DCAF15: variants seen among roughly 807,000 people sequenced by gnomAD.
DCAF15 encodes DDB1 and CUL4 associated factor 15.
In DCAF15, 24 loss-of-function variants were observed where a neutral mutation model predicts 68.0. That is an observed-to-expected ratio of 0.35 (90% CI 0.26 to 0.50). The LOEUF is 0.50. Among genes scored for constraint, DCAF15 ranks in the 20% least tolerant of loss-of-function variants. The probability of loss-of-function intolerance (pLI) is 0.98; values close to 1 mark genes in which losing one functional copy is unlikely to be tolerated. For missense variants in DCAF15, 627 were observed against 830.6 expected, an observed-to-expected ratio of 0.75 and a Z score of 3.01; for synonymous variants, 376 against 341.6, an observed-to-expected ratio of 1.10 and a Z score of -1.11.
intron 6 of DCAF15, 152 bp from the exon 7 acceptor site, chr19:13,958,893 T>A: frequency 2.2e-6 from 2 of 908,432 alleles, no homozygotes; most frequent in South Asian, 1.7e-5. Context: ...CGCAGAAAGG[T>A]CTTTCCCCTT....
At chr19:13,953,879 G>A (rs532719217) in intron 1 of DCAF15, among the ~76,000 whole-genome samples, 5 of 152,300 alleles carry the variant, frequency 3.3e-5, no homozygotes, top group South Asian at 2.1e-4. Context: ...GAGCTGCCCC[G>A]GGGAGGAGGA....
rs1011170212 is a variant in DCAF15 at position 13,960,454 on chromosome 19, T to C, written c.1632-11T>C. On this transcript the variant is annotated splice_polypyrimidine_tract_variant and intron_variant, in intron 11 of 12. Coordinates refer to ENST00000254337, the MANE Select transcript of DCAF15 (RefSeq NM_138353.4). ...AAGGCGACGAGAGCCACTCACCCCCTGGCCCCGCAGCGGCAGTGTCTGGAG... is the reference window on the plus strand; with the variant it reads ...AAGGCGACGAGAGCCACTCACCCCCCGGCCCCGCAGCGGCAGTGTCTGGAG... 13 of 1,611,772 alleles carry C rather than the reference T, an allele frequency of 8.1e-6. No homozygotes were observed. Among genetic ancestry groups the C allele is most frequent in the Non-Finnish European group, 8.5e-7 (1 of 1,179,110 alleles).
intron 6 of DCAF15, 138 bp from the exon 7 acceptor site, chr19:13,958,907 G>A: frequency 1.9e-6 from 2 of 1,027,034 alleles, no homozygotes; most frequent in Admixed American, 2.3e-5. Context: ...TCCCCTTTTG[G>A]GTGTTTCAAA....
Position 13,952,573 on chromosome 19 carries a change from G to A in DCAF15, c.61G>A (p.Gly21Arg). The change falls in exon 1 of 13, where the codon GGG becomes AGG. Residue 21 changes from glycine (G) to arginine (R), a missense_variant. Coordinates refer to ENST00000254337, the MANE Select transcript of DCAF15 (RefSeq NM_138353.4). ...GGCTGGGAGCGGCGGCGGCGGCCCC[G>A]GGGGAGCCGGAGGGAAGCGGGCAGC... is the stretch of plus-strand genomic sequence containing the variant. ...SGAGSGGGGP[G>R]GAGGKRAAGR... 1.6e-6 allele frequency: 2 copies of A among 1,264,468 alleles called. No individual in the cohort carries two copies. The highest frequency in any genetic ancestry group is 6.8e-5 in the South Asian group (2 of 29,598). The allele number at this position is 1,264,468 out of a possible 1,614,324, so 78.3% of individuals were successfully genotyped here.
chr19:13,956,267 G>C lies in DCAF15; in HGVS notation c.613+5G>C. On this transcript the variant is annotated splice_donor_5th_base_variant and intron_variant, in intron 5 of 12. Coordinates refer to ENST00000254337, the MANE Select transcript of DCAF15 (RefSeq NM_138353.4). ...ATGCCAGCCGAGCCCACCCAGGTGA[G>C]GGGGCCGAGGGGGCGAGGGCCTCTT... is the stretch of plus-strand genomic sequence containing the variant. 1 of 1,611,938 alleles carries C rather than the reference G, an allele frequency of 6.2e-7. No homozygotes were observed.
rs1189778673 is a variant in DCAF15 at position 13,956,237 on chromosome 19, C to T, written c.588C>T (p.Cys196=). 2.5e-6 allele frequency: 4 copies of T among 1,612,204 alleles called. No homozygotes were observed. The highest frequency in any genetic ancestry group is 2.7e-5 in the African/African-American group (2 of 74,922). Residue 196 remains cysteine (C), a synonymous_variant, in exon 5 of 13, where the codon TGC becomes TGT. Coordinates refer to ENST00000254337, the MANE Select transcript of DCAF15 (RefSeq NM_138353.4). ...CACCGCCAGGCCGCTGTGCTGCTTG[C>T]CAGGATGCCAGCCGAGCCCACCCAG... ...AVPPPGRCAA[C]QDASRAHPGD... is the part of the protein sequence containing the mutation.
chr19:13,960,340 T>C lies in DCAF15; in HGVS notation c.1580T>C (p.Ile527Thr), dbSNP rs773276842. 1 of 1,614,020 alleles carries C rather than the reference T, an allele frequency of 6.2e-7. No homozygotes were observed. Among genetic ancestry groups the C allele is most frequent in the South Asian group, 1.1e-5 (1 of 91,082 alleles). Residue 527 changes from isoleucine to threonine, a missense_variant, in exon 11 of 13, where the codon ATC becomes ACC. By Grantham distance (89) the Ile-to-Thr change is moderately conservative. Around this residue, in one of 3 missense-constraint regions of DCAF15, gnomAD observed 118 missense variants for 211.8 expected, o/e 0.56. Transcript: ENST00000254337. ...GTGGCATGGGACCTCAACACAGGGA[T>C]CTTCGAGACAGTCAGTGTAGGCGAC... ...LKVAWDLNTG[I>T]FETVSVGDLT...
At position 13,961,264 on chromosome 19, in the gene DCAF15, A is replaced by T. The variant is rs562630258; in HGVS notation, c.*269A>T. On this transcript the variant is annotated 3_prime_UTR_variant, in exon 13 of 13. Coordinates refer to ENST00000254337, the MANE Select transcript of DCAF15 (RefSeq NM_138353.4). ...GCCCCGCCTTCACCCCGAGCTGGGC[A>T]TGGGCCTGGCCCCTCGTGCATTTGC... is the stretch of plus-strand genomic sequence containing the variant. 3 of 554,584 alleles carry T rather than the reference A, an allele frequency of 5.4e-6. No individual in the cohort carries two copies. The highest frequency in any genetic ancestry group is 9.7e-6 in the Non-Finnish European group (3 of 308,024). 34.4% of individuals were successfully genotyped at this position (554,584 alleles called of 1,614,324 possible).
rs751764488 is a variant in DCAF15 at position 13,959,981 on chromosome 19, C to T, written c.1441-3C>T. The T allele has an allele frequency of 6.2e-7, 1 of 1,610,134 alleles. No homozygotes were observed. Among genetic ancestry groups the T allele is most frequent in the Admixed American group, 1.7e-5 (1 of 59,878 alleles). On this transcript the variant is annotated splice_region_variant and splice_polypyrimidine_tract_variant and intron_variant, in intron 9 of 12. Coordinates refer to ENST00000254337, the MANE Select transcript of DCAF15 (RefSeq NM_138353.4). The stretch of plus-strand genomic sequence containing the variant: ...AGTTGGCATCATCCACCCCCACCCC[C>T]AGGTCTGCCCAGAAACCAACCAGGT...
At position 13,952,569 on chromosome 19, in the gene DCAF15, C is replaced by T. The variant is rs1973100151; in HGVS notation, c.57C>T (p.Gly19=). The T allele has an allele frequency of 4.7e-6, 6 of 1,264,694 alleles. No homozygotes were observed. The South Asian group carries it at 1.0e-4, about 21-fold the overall frequency. 78.3% of individuals were successfully genotyped at this position (1,264,694 alleles called of 1,614,324 possible). The change falls in exon 1 of 13, where the codon GGC becomes GGT. Residue 19 remains glycine, a synonymous_variant. Transcript: ENST00000254337. ...GCGGGGCTGGGAGCGGCGGCGGCGGCCCCGGGGGAGCCGGAGGGAAGCGGG... is the reference window on the plus strand; with the variant it reads ...GCGGGGCTGGGAGCGGCGGCGGCGGTCCCGGGGGAGCCGGAGGGAAGCGGG... ...RNSGAGSGGG[G]PGGAGGKRAA... is the part of the protein sequence containing the mutation.
intron 6 of DCAF15, among the ~76,000 whole-genome samples, chr19:13,958,737 A>G (rs373925163): frequency 6.6e-6 from 1 of 151,438 alleles, no homozygotes; most frequent in South Asian, 2.1e-4. Flanking sequence ...TGTAGTGAAC[A>G]CTCTACGCTG....
intron 1 of DCAF15, chr19:13,953,113 C>G (rs1049445201): frequency 6.4e-7 from 1 of 1,550,392 alleles, no homozygotes. Flanking sequence ...CTGGGAGTTC[C>G]AGTACCTGGG....
Position 13,961,324 on chromosome 19 carries a change from G to T in DCAF15, c.*329G>T. The T allele has an allele frequency of 2.5e-6, 1 of 401,102 alleles. No individual in the cohort carries two copies. The highest frequency in any genetic ancestry group is 4.7e-6 in the Non-Finnish European group (1 of 213,832). The allele number at this position is 401,102 out of a possible 1,614,324, so 24.8% of individuals were successfully genotyped here. A position where few individuals can be genotyped will look rare whatever the true frequency, so the allele number is the denominator to read the frequency against. On this transcript the variant is annotated 3_prime_UTR_variant, in exon 13 of 13. Transcript: ENST00000254337. ...GGCTACAGCTGTGGACGTTGCCCTC[G>T]GGGAGGTCGAATGGACCCCATTCCC... is the stretch of plus-strand genomic sequence containing the variant.
In DCAF15 at chr19:13,956,241, G is replaced by C; in HGVS notation, c.592G>C (p.Asp198His). 2 of 1,612,370 alleles carry C rather than the reference G, an allele frequency of 1.2e-6. No homozygotes were observed. Among genetic ancestry groups the C allele is most frequent in the Non-Finnish European group, 1.7e-6 (2 of 1,179,802 alleles). The change falls in exon 5 of 13, where the codon GAT becomes CAT. Residue 198 changes from aspartate to histidine, a missense_variant. Around this residue, in one of 3 missense-constraint regions of DCAF15, gnomAD observed 273 missense variants for 393.7 expected, o/e 0.69. Coordinates refer to ENST00000254337, the MANE Select transcript of DCAF15 (RefSeq NM_138353.4). ...GCCAGGCCGCTGTGCTGCTTGCCAG[G>C]ATGCCAGCCGAGCCCACCCAGGTGA... ...PPPGRCAACQDASRAHPGDPN... is the reference protein window; with the variant it reads ...PPPGRCAACQHASRAHPGDPN...
intron 1 of DCAF15, chr19:13,953,081 C>T (rs1166233540): frequency 6.4e-7 from 1 of 1,550,660 alleles, no homozygotes; most frequent in East Asian, 2.5e-5. Context: ...CTCTCCCTGC[C>T]CAAGCCCCGA....
At chr19:13,952,783 C>T in intron 1 of DCAF15, 139 bp downstream of exon 1, 1 of 341,796 alleles carries the variant, frequency 2.9e-6, no homozygotes, top group Non-Finnish European at 3.9e-6. Flanking sequence ...AGGGCCTGGG[C>T]GGGGCCCGGG....
In DCAF15 at chr19:13,960,395, A is replaced by C. The variant is rs374484971; in HGVS notation, c.1631+4A>C. 1 of 1,613,604 alleles carries C rather than the reference A, an allele frequency of 6.2e-7. No homozygotes were observed. Among genetic ancestry groups the C allele is most frequent in the Non-Finnish European group, 8.5e-7 (1 of 1,179,888 alleles). ...CTGAGGTCAAAGGGCAGACCAGGTG[A>C]GGCAGGGCTGGGGGGCAGGGTCAGG... On this transcript the variant is annotated splice_donor_region_variant and intron_variant, in intron 11 of 12. Transcript: ENST00000254337.
chr19:13,954,297 G>A (rs778039755), intron 1 of DCAF15, 43 bp from the exon 2 acceptor site: 1 of 1,555,000 alleles, frequency 6.4e-7, no homozygotes, highest in South Asian at 1.1e-5. Context: ...GGGGCTGGGG[G>A]CTGCAGATGG....
Position 13,959,085 on chromosome 19 carries a change from C to T in DCAF15, c.825C>T (p.Thr275=), listed in dbSNP as rs1442880291. 1.9e-5 allele frequency: 30 copies of T among 1,612,456 alleles called. No individual in the cohort carries two copies. The South Asian group carries it at 3.1e-4, about 17-fold the overall frequency. ...GCCAAATCCTGTATGACCACAGCAC[C>T]TGCCCCCTGGCGCCTGCCAGCCCCC... ...SFCQILYDHS[T]CPLAPASPPE... The change falls in exon 7 of 13, where the codon ACC becomes ACT. Residue 275 remains threonine (T), a synonymous_variant. Coordinates refer to ENST00000254337, the MANE Select transcript of DCAF15 (RefSeq NM_138353.4).
Sources: allele counts gnomAD v4.1 joint callset (sites outside exome capture counted in the v4.1 genomes callset), GRCh38; gene constraint gnomAD v4.1.1; regional missense constraint gnomAD v4.1.1; transcripts MANE v1.5; gene names NCBI Gene and HGNC (gene_info 2026-07-23, HGNC 2026-07-21).